Variants in TBC1D22A observed in about 807,000 individuals in gnomAD.
TBC1D22A encodes the protein TBC1 domain family member 22A.
A neutral mutation model predicts 60.2 loss-of-function variants in TBC1D22A; 38 were observed. The ratio of observed to expected loss-of-function variants is 0.63; its 90% CI spans 0.49 to 0.83. The LOEUF (loss-of-function observed/expected upper bound fraction) is 0.83, where lower values mean the gene tolerates loss of function less well. Ranked by LOEUF, TBC1D22A falls within the 40% of genes least tolerant of loss-of-function variation. The pLI, the probability that TBC1D22A is intolerant of heterozygous loss-of-function variation, is 0.00. For synonymous variants in TBC1D22A, 302 were observed against 281.7 expected, an observed-to-expected ratio of 1.07 and a Z score of -0.72; for missense variants, 628 against 701.0, an observed-to-expected ratio of 0.90 and a Z score of 1.18.
intron 12 of TBC1D22A, among the ~76,000 whole-genome samples, chr22:47,159,314 CATACACACACATGT>C (rs2067860422): frequency 1.5e-5 from 2 of 132,104 alleles, no homozygotes; most frequent in African/African-American, 5.0e-5. Context: ...ACCATGTATA[CATACACACACATGT>C]ATACACACAC....
At chr22:46,983,441 AATAATTTCTTTC>A (rs1186337578) in intron 9 of TBC1D22A, among the ~76,000 whole-genome samples, 1 of 152,182 alleles carries the variant, frequency 6.6e-6, no homozygotes, top group Non-Finnish European at 1.5e-5. Context: ...AATTTGGAGA[AATAATTTCTTTC>A]TTGTCTTTAT....
intron 12 of TBC1D22A, among the ~76,000 whole-genome samples, chr22:47,146,839 C>T (rs567497892): frequency 4.6e-5 from 7 of 152,236 alleles, no homozygotes; most frequent in African/African-American, 1.2e-4. Context: ...GCTGCAGAGG[C>T]GGCTCTGACA....
At chr22:46,867,716 G>A (rs1295693428) in intron 4 of TBC1D22A, among the ~76,000 whole-genome samples, 1 of 152,340 alleles carries the variant, frequency 6.6e-6, no homozygotes, top group Admixed American at 6.5e-5. Flanking sequence ...ATGACATGGC[G>A]AAAATGTGCG....
intron 11 of TBC1D22A, among the ~76,000 whole-genome samples, chr22:47,067,531 C>A (rs2147489934): frequency 6.6e-6 from 1 of 152,292 alleles, no homozygotes; most frequent in South Asian, 2.1e-4. Context: ...ACAGAGAATT[C>A]CCTTCTGATC....
intron 11 of TBC1D22A, among the ~76,000 whole-genome samples, chr22:47,038,523 G>A (rs1225210431): frequency 6.6e-6 from 1 of 152,212 alleles, no homozygotes; most frequent in Non-Finnish European, 1.5e-5. Context: ...CAGGCTGCGT[G>A]CGTTCTTCCC....
chr22:46,966,131 C>T (rs1021242132), intron 8 of TBC1D22A, among the ~76,000 whole-genome samples: 3 of 152,220 alleles, frequency 2.0e-5, no homozygotes, highest in Admixed American at 6.5e-5. Flanking sequence ...CTCCTCTTTC[C>T]GTCTGTGAAC....
At chr22:47,071,657 A>G (rs1032911900) in intron 11 of TBC1D22A, among the ~76,000 whole-genome samples, 1 of 152,132 alleles carries the variant, frequency 6.6e-6, no homozygotes, top group Non-Finnish European at 1.5e-5. Flanking sequence ...TCCATTAATC[A>G]TCCTCTGGTT....
intron 4 of TBC1D22A, among the ~76,000 whole-genome samples, chr22:46,857,500 A>C (rs1353748249): frequency 6.6e-6 from 1 of 152,216 alleles, no homozygotes; most frequent in Non-Finnish European, 1.5e-5. Flanking sequence ...CTTTACTGAG[A>C]TGTAATTCAC....
chr22:47,076,359 G>A (rs1243531558), intron 11 of TBC1D22A, among the ~76,000 whole-genome samples: 21 of 85,168 alleles, frequency 2.5e-4, no homozygotes, highest in African/African-American at 6.9e-4. Flanking sequence ...ATATATGTGT[G>A]TGTATATATA....
chr22:47,167,455 T>C (rs2147224061), intron 12 of TBC1D22A, among the ~76,000 whole-genome samples: 1 of 152,196 alleles, frequency 6.6e-6, no homozygotes, highest in East Asian at 1.9e-4. Context: ...ACTCGGCAAG[T>C]GGGAGGGAGG....
chr22:46,918,689 A>G (rs2070542756), intron 8 of TBC1D22A, among the ~76,000 whole-genome samples: 1 of 152,200 alleles, frequency 6.6e-6, no homozygotes, highest in Non-Finnish European at 1.5e-5. Context: ...GCGACCTGCC[A>G]AATCTGGCTG....
chr22:47,143,646 T>C (rs976085628), intron 12 of TBC1D22A, among the ~76,000 whole-genome samples: 39 of 152,334 alleles, frequency 2.6e-4, no homozygotes, highest in South Asian at 2.1e-4. Flanking sequence ...CAGCCCTGCC[T>C]GCAGGGTCCC....
At chr22:47,080,889 G>A (rs1370445982) in intron 11 of TBC1D22A, among the ~76,000 whole-genome samples, 5 of 152,088 alleles carry the variant, frequency 3.3e-5, no homozygotes, top group Admixed American at 6.6e-5. Flanking sequence ...TTGGGAGGCC[G>A]AGGTGGGTGG....
intron 11 of TBC1D22A, among the ~76,000 whole-genome samples, chr22:47,095,743 G>T (rs2065146933): frequency 6.6e-6 from 1 of 152,230 alleles, no homozygotes; most frequent in South Asian, 2.1e-4. Context: ...CAGTTCTTAA[G>T]GGAACAATCC....
At chr22:47,159,408 A>G (rs866848003) in intron 12 of TBC1D22A, among the ~76,000 whole-genome samples, 1 of 149,878 alleles carries the variant, frequency 6.7e-6, no homozygotes, top group South Asian at 2.1e-4. Context: ...CACTCTCACC[A>G]TGTATACACA....
chr22:46,816,622 A>G (rs967866616), intron 4 of TBC1D22A, among the ~76,000 whole-genome samples: 3 of 152,208 alleles, frequency 2.0e-5, no homozygotes, highest in African/African-American at 4.8e-5. Context: ...GGAACAGTAC[A>G]GGGAAGTTAG....
chr22:46,885,646 G>C (rs1371106592), intron 5 of TBC1D22A, among the ~76,000 whole-genome samples: 1 of 152,178 alleles, frequency 6.6e-6, no homozygotes, highest in Non-Finnish European at 1.5e-5. Context: ...GCTTGAACTT[G>C]AAGTAGAAGC....
chr22:47,066,475 C>T (rs891372532), intron 11 of TBC1D22A, among the ~76,000 whole-genome samples: 58 of 152,188 alleles, frequency 3.8e-4, no homozygotes, highest in Admixed American at 8.5e-4. Flanking sequence ...GGCTCAGCCC[C>T]GCGAAGAGAC....
intron 12 of TBC1D22A, among the ~76,000 whole-genome samples, chr22:47,119,498 AT>A (rs112201242): frequency 4.1e-3 from 584 of 142,222 alleles, no homozygotes; most frequent in African/African-American, 6.0e-3. Context: ...AGACTGGGTA[AT>A]TTTTTTTTTT....
Sources: gnomAD v4.1 joint callset for allele counts (sites outside exome capture counted in the v4.1 genomes callset) on GRCh38, gnomAD v4.1.1 for gene constraint, MANE v1.5 for transcripts, NCBI Gene and HGNC (gene_info 2026-07-23, HGNC 2026-07-21) for gene names.